Variants in KIRREL3 observed in about 807,000 individuals in gnomAD.
The protein encoded by KIRREL3 is kin of IRRE-like protein 3.
In KIRREL3, 36 loss-of-function variants were observed where a neutral mutation model predicts 89.7. The observed-to-expected ratio is 0.40, with a 90% CI of 0.31 to 0.53. KIRREL3 has a LOEUF of 0.53. Ranked by LOEUF, KIRREL3 falls within the 20% of genes least tolerant of loss-of-function variation. The pLI is 0.49. For synonymous variants in KIRREL3, 445 were observed against 441.4 expected, an observed-to-expected ratio of 1.01 and a Z score of -0.10; for missense variants, 864 against 1,056.6, an observed-to-expected ratio of 0.82 and a Z score of 2.53.
chr11:126,597,287 AG>A (rs1472920434), intron 1 of KIRREL3, among the ~76,000 whole-genome samples: 4 of 152,236 alleles, frequency 2.6e-5, no homozygotes, highest in Admixed American at 2.6e-4. Context: ...GGGACACCAA[AG>A]GGCAGTGCCA....
rs554973397 is a variant in KIRREL3 at position 126,804,563 on chromosome 11, A to G, written c.55+195892T>C. 2.6e-5 allele frequency among the ~76,000 whole-genome samples: 4 copies of G among 152,298 alleles called. No homozygotes were observed. In the South Asian group the frequency reaches 8.3e-4, roughly 32 times the overall value. On this transcript the variant is annotated intron_variant, in intron 1 of 16. Transcript: ENST00000525144. ...GTCCTCCGCTGAACTTCACCTTGACAAATATTTCTGAAACTGGTTTTTGGT... is the reference window on the plus strand; with the variant it reads ...GTCCTCCGCTGAACTTCACCTTGACGAATATTTCTGAAACTGGTTTTTGGT...
Position 126,528,483 on chromosome 11 carries a change from C to T in KIRREL3, c.134-1796G>A, listed in dbSNP as rs118055198. Among the ~76,000 whole-genome samples, 2,990 of 152,220 alleles carry T rather than the reference C, an allele frequency of 0.02. 38 individuals are homozygous for T. The highest frequency in any genetic ancestry group is 0.032 in the Non-Finnish European group (2,153 of 68,016). On this transcript the variant is annotated intron_variant, in intron 2 of 16. Transcript: ENST00000525144. The surrounding 1 kb of genome is among the most constrained non-coding windows in gnomAD (Gnocchi z 4.6). Reference sequence around the variant, plus strand: ...AGCTGGGGACAGGCAGGAAGGTGGCCGAGTTCACAACCTGACAAGATCTTG... The same window carrying T: ...AGCTGGGGACAGGCAGGAAGGTGGCTGAGTTCACAACCTGACAAGATCTTG...
intron 1 of KIRREL3, among the ~76,000 whole-genome samples, chr11:126,648,912 G>A (rs748631759): frequency 6.6e-6 from 1 of 152,186 alleles, no homozygotes; most frequent in South Asian, 2.1e-4. Flanking sequence ...AAATGTATTA[G>A]TCAGTTTTCA....
At position 126,722,581 on chromosome 11, in the gene KIRREL3, A is replaced by C. The variant is rs115566478; in HGVS notation, c.56-159669T>G. Among the ~76,000 whole-genome samples, 393 of 152,388 alleles carry C rather than the reference A, an allele frequency of 2.6e-3. 2 individuals carry two copies. Among genetic ancestry groups the C allele is most frequent in the African/African-American group, 8.9e-3 (372 of 41,588 alleles). ...TTATGTATTGTCTATGACTACTTTCATGCCACAATGGCAAAACTGAGTAGT... is the reference window on the plus strand; with the variant it reads ...TTATGTATTGTCTATGACTACTTTCCTGCCACAATGGCAAAACTGAGTAGT... On this transcript the variant is annotated intron_variant, in intron 1 of 16. Coordinates refer to ENST00000525144, the MANE Select transcript of KIRREL3 (RefSeq NM_032531.4).
intron 1 of KIRREL3, among the ~76,000 whole-genome samples, chr11:126,722,162 T>C (rs546107631): frequency 8.7e-4 from 132 of 152,216 alleles, no homozygotes; most frequent in Non-Finnish European, 1.4e-3. Context: ...TCCATCCCAA[T>C]CTATCTGCCT....
chr11:126,482,255 T>G (rs896712948), intron 4 of KIRREL3, among the ~76,000 whole-genome samples: 1 of 152,232 alleles, frequency 6.6e-6, no homozygotes, highest in African/African-American at 2.4e-5. Context: ...GCTAGGCTGG[T>G]CTCGAACTCC....
At chr11:126,889,338 G>A (rs1025002173) in intron 1 of KIRREL3, among the ~76,000 whole-genome samples, 1 of 151,758 alleles carries the variant, frequency 6.6e-6, no homozygotes, top group Non-Finnish European at 1.5e-5. Context: ...GAACCTTTTG[G>A]CTGGCTTCTT....
chr11:126,881,987 G>A (rs1006181626), intron 1 of KIRREL3, among the ~76,000 whole-genome samples: 1 of 152,140 alleles, frequency 6.6e-6, no homozygotes, highest in Non-Finnish European at 1.5e-5. Context: ...GTGCATGTAT[G>A]TAGGGGTGTG....
intron 1 of KIRREL3, among the ~76,000 whole-genome samples, chr11:126,858,695 G>C (rs1218754838): frequency 6.6e-6 from 1 of 152,180 alleles, no homozygotes; most frequent in African/African-American, 2.4e-5. Flanking sequence ...TCAGAAGAGG[G>C]GCAGAAATGC....
intron 9 of KIRREL3, among the ~76,000 whole-genome samples, chr11:126,446,213 G>A (rs1955793077): frequency 6.6e-6 from 1 of 151,534 alleles, no homozygotes; most frequent in Non-Finnish European, 1.5e-5. Context: ...GCTAACGGTG[G>A]CTTTATTTGG....
At chr11:126,792,182 G>A (rs1950665632) in intron 1 of KIRREL3, among the ~76,000 whole-genome samples, 1 of 152,292 alleles carries the variant, frequency 6.6e-6, no homozygotes, top group African/African-American at 2.4e-5. Context: ...TCACTCATTA[G>A]CTAGCAGACC....
chr11:126,591,426 C>T (rs933634794), intron 1 of KIRREL3, among the ~76,000 whole-genome samples: 11 of 152,198 alleles, frequency 7.2e-5, no homozygotes, highest in East Asian at 3.8e-4. Context: ...AGGTTGGCCC[C>T]GGCTGGTTAT....
In KIRREL3 at chr11:126,923,129, C is replaced by CTCCTCCTCCTTCTTCTTCTTCTTCTTCT. The variant is rs1246765425; in HGVS notation, c.55+77325_55+77326insAGAAGAAGAAGAAGAAGAAGGAGGAGGA. 1.2e-4 allele frequency among the ~76,000 whole-genome samples: 3 copies of CTCCTCCTCCTTCTTCTTCTTCTTCTTCT among 25,740 alleles called. 1 individual carries two copies. The highest frequency in any genetic ancestry group is 2.3e-4 in the Non-Finnish European group (3 of 12,876). The allele number at this position is 25,740 out of a possible 152,430, so 16.9% of individuals were successfully genotyped here. A position where few individuals can be genotyped will look rare whatever the true frequency, so the allele number is the denominator to read the frequency against. On this transcript the variant is annotated intron_variant, in intron 1 of 16. Coordinates refer to ENST00000525144, the MANE Select transcript of KIRREL3 (RefSeq NM_032531.4). ...CCTTCTCCTTCTCCTTCTCCTTCTT[C>CTCCTCCTCCTTCTTCTTCTTCTTCTTCT]TCTTCTTCTTCTTCTTCTTCTTCTT...
intron 1 of KIRREL3, among the ~76,000 whole-genome samples, chr11:126,678,055 G>A (rs911065193): frequency 2.0e-5 from 3 of 152,096 alleles, no homozygotes; most frequent in African/African-American, 4.8e-5. Flanking sequence ...AAAGGATAAG[G>A]CATATTTTTT....
At chr11:126,798,113 T>C (rs1950870729) in intron 1 of KIRREL3, among the ~76,000 whole-genome samples, 1 of 152,180 alleles carries the variant, frequency 6.6e-6, no homozygotes, top group South Asian at 2.1e-4. Flanking sequence ...AAGATGTTCC[T>C]GTGCCTGGGG....
rs1031298349 is a variant in KIRREL3, at chr11:126,627,092, T to C, written c.56-64180A>G. On this transcript the variant is annotated intron_variant, in intron 1 of 16. Coordinates refer to ENST00000525144, the MANE Select transcript of KIRREL3 (RefSeq NM_032531.4). This position sits in a 1 kb window ranked among gnomAD's most constrained non-coding sequence, Gnocchi z 5.0. ...GCATGCATGTGTGTGTATGTGTGTG[T>C]GAAGGAATGAGGCAGAGCTCTATAA... 6.6e-6 allele frequency among the ~76,000 whole-genome samples: 1 copy of C among 152,006 alleles called. No individual in the cohort carries two copies. Among genetic ancestry groups the C allele is most frequent in the African/African-American group, 2.4e-5 (1 of 41,368 alleles).
chr11:126,645,727 G>A lies in KIRREL3; in HGVS notation c.56-82815C>T, dbSNP rs1280709004. ...ATTTCCCTGCCTCCCATTCTCCCTC[G>A]TTGTACTGAATGGCAGATAAGGTGG... On this transcript the variant is annotated intron_variant, in intron 1 of 16. Transcript: ENST00000525144. The surrounding 1 kb of genome is among the most constrained non-coding windows in gnomAD (Gnocchi z 4.9). Among the ~76,000 whole-genome samples the A allele has an allele frequency of 1.3e-5, 2 of 152,082 alleles. No individual in the cohort carries two copies. The highest frequency in any genetic ancestry group is 2.9e-5 in the Non-Finnish European group (2 of 68,016).
Position 126,776,382 on chromosome 11 carries a change from A to C in KIRREL3, c.56-213470T>G, listed in dbSNP as rs1016255676. ...AGGTCTGTCTTACGCAAGTCATGAA[A>C]CCTCACTGAACCAGTTTCCCATTGG... On this transcript the variant is annotated intron_variant, in intron 1 of 16. Coordinates refer to ENST00000525144, the MANE Select transcript of KIRREL3 (RefSeq NM_032531.4). This position sits in a 1 kb window ranked among gnomAD's most constrained non-coding sequence, Gnocchi z 4.7. Among the ~76,000 whole-genome samples, 4 of 151,954 alleles carry C rather than the reference A, an allele frequency of 2.6e-5. No individual in the cohort carries two copies. The highest frequency in any genetic ancestry group is 4.8e-5 in the African/African-American group (2 of 41,354).
chr11:126,726,801 A>G (rs4340066), intron 1 of KIRREL3, among the ~76,000 whole-genome samples: 9,476 of 152,254 alleles, frequency 0.062, 383 homozygotes, highest in African/African-American at 0.11. Flanking sequence ...TGAGCATGCC[A>G]TGCGTTCTTG....
Sources: allele counts gnomAD v4.1 joint callset (sites outside exome capture counted in the v4.1 genomes callset), GRCh38; gene constraint gnomAD v4.1.1; non-coding constraint Gnocchi (gnomAD v3.1); transcripts MANE v1.5; gene names NCBI Gene and HGNC (gene_info 2026-07-23, HGNC 2026-07-21).